OTOP3: variants seen among roughly 807,000 people sequenced by gnomAD.
The protein encoded by OTOP3 is proton channel OTOP3.
Under a neutral mutation model 50.8 loss-of-function variants are expected in OTOP3, and 41 were observed. The ratio of observed to expected loss-of-function variants is 0.81; its 90% confidence interval spans 0.63 to 1.05. OTOP3 has a LOEUF of 1.05. Among genes scored for constraint, OTOP3 ranks in the 50% least tolerant of loss-of-function variants. OTOP3 has a pLI of 0.00. For synonymous variants in OTOP3, 320 were observed against 324.4 expected, an observed-to-expected ratio of 0.99 and a Z score of 0.14; for missense variants, 788 against 760.8, an observed-to-expected ratio of 1.04 and a Z score of -0.42.
At chr17:74,944,697 C>A (rs755465732) in intron 5 of OTOP3, among the ~76,000 whole-genome samples, 1 of 152,104 alleles carries the variant, frequency 6.6e-6, no homozygotes, top group Non-Finnish European at 1.5e-5. Context: ...GCGGAGGTTG[C>A]GGTAAGCCGA....
intron 5 of OTOP3, 69 bp from the exon 6 acceptor site, chr17:74,946,592 T>G (rs2039226003): frequency 7.4e-7 from 1 of 1,354,802 alleles, no homozygotes. Flanking sequence ...GGGAGGTATC[T>G]GTGTAGCCAG....
intron 1 of OTOP3, among the ~76,000 whole-genome samples, chr17:74,936,578 C>T (rs796067685): frequency 3.3e-5 from 5 of 152,326 alleles, no homozygotes; most frequent in Admixed American, 1.3e-4. Flanking sequence ...ATGCCCACTC[C>T]TGCCCCCTGC....
At chr17:74,947,546 G>A (rs2039242251) in intron 6 of OTOP3, 71 bp downstream of exon 6, 1 of 1,376,406 alleles carries the variant, frequency 7.3e-7, no homozygotes, top group African/African-American at 1.5e-5. Context: ...CACTCAGGAA[G>A]GGATGGATCA....
In OTOP3 at chr17:74,941,556, G is replaced by C. The variant is rs768743241; in HGVS notation, c.183G>C (p.Arg61=). 6.2e-6 allele frequency: 10 copies of C among 1,611,796 alleles called. No individual in the cohort carries two copies. The highest frequency in any genetic ancestry group is 8.5e-6 in the Non-Finnish European group (10 of 1,178,550). Residue 61 remains arginine, a synonymous_variant, in exon 2 of 7, where the codon CGG becomes CGC. Transcript: ENST00000328801. ...GGCATTTCTCTCTGCTGCTGCGGCG[G>C]GACCGGCAGGCCCAGAAGGCTGGAC... is the stretch of plus-strand genomic sequence containing the variant. The part of the protein sequence containing the change: ...LVRHFSLLLR[R]DRQAQKAGQL...
chr17:74,945,708 G>A (rs2039219176), intron 5 of OTOP3, among the ~76,000 whole-genome samples: 1 of 152,182 alleles, frequency 6.6e-6, no homozygotes, highest in African/African-American at 2.4e-5. Flanking sequence ...CACAGCCACG[G>A]GTTTTCCCTT....
chr17:74,945,949 T>C (rs2039220727), intron 5 of OTOP3, among the ~76,000 whole-genome samples: 2 of 150,430 alleles, frequency 1.3e-5, no homozygotes, highest in South Asian at 4.2e-4. Context: ...ATCCGGCTAA[T>C]GTTTTTTGTT....
In OTOP3 at chr17:74,949,508, A is replaced by C; in HGVS notation, c.*92A>C. ...GCAGATGCCTCATTCTGAGGTGCCG[A>C]GACCAGCCTGAGGCTCTCAAGGCCT... On this transcript the variant is annotated 3_prime_UTR_variant, in exon 7 of 7. Coordinates refer to ENST00000328801, the MANE Select transcript of OTOP3 (RefSeq NM_001272005.2). The C allele has an allele frequency of 6.9e-7, 1 of 1,450,724 alleles. No homozygotes were observed. The highest frequency in any genetic ancestry group is 9.3e-7 in the Non-Finnish European group (1 of 1,075,100). The allele number at this position is 1,450,724 out of a possible 1,614,324, so 89.9% of individuals were successfully genotyped here.
intron 1 of OTOP3, 100 bp downstream of exon 1, chr17:74,936,040 G>A (rs1025121881): frequency 6.7e-7 from 1 of 1,501,352 alleles, no homozygotes; most frequent in African/African-American, 1.4e-5. Context: ...AGTAGGGGCT[G>A]CAGGGATTGG....
chr17:74,941,928 C>T lies in OTOP3; in HGVS notation c.464C>T (p.Thr155Ile), dbSNP rs138840606. 3 of 1,611,716 alleles carry T rather than the reference C, an allele frequency of 1.9e-6. No individual in the cohort carries two copies. Among genetic ancestry groups the T allele is most frequent in the Middle Eastern group, 1.6e-4 (1 of 6,078 alleles). ...RGSLVLFGSC[T>I]FCLNIFRVGY... ...TCCCTAGTGCTCTTCGGCAGCTGCA[C>T]CTTCTGCCTCAACATCTTCCGAGTG... The change falls in exon 3 of 7, where the codon ACC becomes ATC. Residue 155 changes from threonine to isoleucine, a missense_variant. Transcript: ENST00000328801.
At chr17:74,937,114 C>T (rs2039126350) in intron 1 of OTOP3, among the ~76,000 whole-genome samples, 1 of 151,926 alleles carries the variant, frequency 6.6e-6, no homozygotes, top group Admixed American at 6.6e-5. Flanking sequence ...AGGTGCATGC[C>T]ACTACACCTG....
intron 1 of OTOP3, among the ~76,000 whole-genome samples, chr17:74,940,160 T>A (rs1451977927): frequency 6.7e-6 from 1 of 149,830 alleles, no homozygotes; most frequent in African/African-American, 2.5e-5. Context: ...TGGGGTTTTT[T>A]TCGGCTTTTT....
intron 1 of OTOP3, among the ~76,000 whole-genome samples, chr17:74,938,524 T>C (rs1018638502): frequency 6.6e-6 from 1 of 151,834 alleles, no homozygotes; most frequent in African/African-American, 2.4e-5. Context: ...AGGCAAAGAA[T>C]AGGGTGTGGG....
intron 5 of OTOP3, among the ~76,000 whole-genome samples, chr17:74,944,359 A>G (rs1324312638): frequency 6.6e-6 from 1 of 152,210 alleles, no homozygotes; most frequent in African/African-American, 2.4e-5. Context: ...CAGTCACGAC[A>G]CGCCTGTGTA....
rs944664269 is a variant in OTOP3, at chr17:74,943,287, C to G, written c.575C>G (p.Thr192Ser). The G allele has an allele frequency of 6.2e-7, 1 of 1,614,118 alleles. No individual in the cohort carries two copies. The highest frequency in any genetic ancestry group is 1.7e-5 in the Admixed American group (1 of 60,006). Residue 192 changes from threonine (T) to serine (S), a missense_variant and splice_region_variant, in exon 4 of 7, where the codon ACC (threonine) becomes AGC (serine). Physicochemically the swap from Thr to Ser is moderately conservative, Grantham distance 58. Coordinates refer to ENST00000328801, the MANE Select transcript of OTOP3 (RefSeq NM_001272005.2). ...GGCTCAAGGCCCTGTCTCTTTCAGA[C>G]CTGGGTGCTCTGGAAACACTGCAAA... ...VIEMVFIGVQ[T>S]WVLWKHCKDC... is the part of the protein sequence containing the mutation.
rs138894640 is a variant in OTOP3, at chr17:74,949,250, G to A, written c.1571G>A (p.Trp524Ter). The A allele has an allele frequency of 9.8e-4, 1,577 of 1,613,926 alleles. 7 individuals carry two copies. The highest frequency in any genetic ancestry group is 1.5e-3 in the South Asian group (133 of 91,018). The change falls in exon 7 of 7, where the codon TGG (tryptophan) becomes TAG (stop). Residue 524 changes from tryptophan to a stop codon, truncating the protein, a stop_gained. Coordinates refer to ENST00000328801, the MANE Select transcript of OTOP3 (RefSeq NM_001272005.2). LOFTEE classifies it high-confidence loss of function. ...TCAGCACATCCTCTTCCCCAGCTGT[G>A]GATGATGCCTGCATTTGGCATACAC... ...LFLILCNITL[W>*]MMPAFGIHPE... is the part of the protein sequence containing the mutation.
chr17:74,936,121 G>T (rs969830344), intron 1 of OTOP3, among the ~76,000 whole-genome samples, 181 bp downstream of exon 1: 1 of 152,212 alleles, frequency 6.6e-6, no homozygotes, highest in African/African-American at 2.4e-5. Context: ...CACCCGCCCC[G>T]CAACCCGCGC....
chr17:74,947,345 G>A lies in OTOP3; in HGVS notation c.1436G>A (p.Gly479Asp). The A allele has an allele frequency of 1.2e-6, 2 of 1,613,110 alleles. No individual in the cohort carries two copies. Among genetic ancestry groups the A allele is most frequent in the Non-Finnish European group, 1.7e-6 (2 of 1,179,978 alleles). The stretch of plus-strand genomic sequence containing the variant: ...CAGGAGGCTGAGCCTCCCCGCAGAG[G>A]CTCCTTGCTGGAGCTGGGCCAGGGC... Reference protein sequence around the residue: ...GKQEAEPPRRGSLLELGQGLQ... With the variant: ...GKQEAEPPRRDSLLELGQGLQ... The change falls in exon 6 of 7, where the codon GGC becomes GAC. Residue 479 changes from glycine (G) to aspartate (D), a missense_variant. Physicochemically the swap from Gly to Asp is moderately conservative, Grantham distance 94 (BLOSUM62 -1). Transcript: ENST00000328801.
intron 1 of OTOP3, among the ~76,000 whole-genome samples, chr17:74,938,920 C>G (rs977432304): frequency 1.3e-5 from 2 of 151,750 alleles, no homozygotes; most frequent in African/African-American, 4.8e-5. Context: ...GTAATCCCAG[C>G]ACTTTGGGAA....
intron 3 of OTOP3, among the ~76,000 whole-genome samples, chr17:74,942,401 C>G (rs1028303920): frequency 2.0e-5 from 3 of 150,074 alleles, no homozygotes; most frequent in African/African-American, 7.4e-5. Flanking sequence ...GAGGCCGAGG[C>G]AGGCAGATCA....
Sources: gnomAD v4.1 joint callset for allele counts (sites outside exome capture counted in the v4.1 genomes callset) on GRCh38, gnomAD v4.1.1 for gene constraint, MANE v1.5 for transcripts, NCBI Gene and HGNC (gene_info 2026-07-23, HGNC 2026-07-21) for gene names.